DIP2A: variants seen among roughly 807,000 people sequenced by gnomAD.
The protein encoded by DIP2A is DIP2 acetate--CoA ligase A.
In DIP2A, 85 loss-of-function variants were observed where a neutral mutation model predicts 177.4. The observed-to-expected ratio is 0.48, with a 90% CI of 0.40 to 0.57. The LOEUF (loss-of-function observed/expected upper bound fraction) is 0.57. Ranked by LOEUF, DIP2A falls within the 20% of genes least tolerant of loss-of-function variation. The probability of loss-of-function intolerance (pLI) is 0.00; values close to 1 mark genes in which losing one functional copy is unlikely to be tolerated. For synonymous variants in DIP2A, 886 were observed against 881.8 expected (o/e 1.00, Z -0.08); for missense variants, 1,791 against 2,100.2 (o/e 0.85, Z 2.88).
chr21:46,473,313 A>AT (rs1395191862), intron 1 of DIP2A, among the ~76,000 whole-genome samples: 2 of 150,146 alleles, frequency 1.3e-5, no homozygotes, highest in South Asian at 2.1e-4. Flanking sequence ...AGAAAAAAAA[A>AT]TTAGCAAGGT....
intron 8 of DIP2A, among the ~76,000 whole-genome samples, chr21:46,526,974 CT>C (rs1194165208): frequency 4.0e-5 from 6 of 151,296 alleles, no homozygotes; most frequent in Non-Finnish European, 7.4e-5. Context: ...TGTTGGGTTT[CT>C]AAAGATGCCC....
At chr21:46,486,010 G>A (rs922655702) in intron 2 of DIP2A, among the ~76,000 whole-genome samples, 10 of 144,242 alleles carry the variant, frequency 6.9e-5, no homozygotes, top group Admixed American at 4.4e-4. Flanking sequence ...GGTGGAGGTT[G>A]CAGTGAGCCG....
At chr21:46,564,711 C>T (rs891817350) in intron 35 of DIP2A, among the ~76,000 whole-genome samples, 6 of 152,186 alleles carry the variant, frequency 3.9e-5, no homozygotes, top group Admixed American at 1.3e-4. Context: ...TCCAGCAAGC[C>T]GTGCCCAGAG....
At chr21:46,579,554 A>G in the DIP2A span, among the ~76,000 whole-genome samples, 48 of 152,238 alleles carry the variant, frequency 3.2e-4, no homozygotes, top group Non-Finnish European at 5.6e-4. Flanking sequence ...TAGGATGTCA[A>G]TTGGAGATCC....
chr21:46,524,162 G>A (rs1276202920), intron 8 of DIP2A, among the ~76,000 whole-genome samples: 2 of 152,210 alleles, frequency 1.3e-5, no homozygotes, highest in Non-Finnish European at 2.9e-5. Context: ...AGCAAAGAGT[G>A]CAAGGCAGAT....
At chr21:46,459,255 C>A in intron 1 of DIP2A, 33 bp downstream of exon 1, 1 of 1,496,650 alleles carries the variant, frequency 6.7e-7, no homozygotes. Flanking sequence ...CCCCCGCGAC[C>A]CGCCCTCAGC....
At chr21:46,546,886 G>A (rs990449153) in intron 20 of DIP2A, 29 bp from the exon 21 acceptor site, 1 of 1,611,426 alleles carries the variant, frequency 6.2e-7, no homozygotes, top group Non-Finnish European at 8.5e-7. Flanking sequence ...CCGTGTGGGT[G>A]GAGTCTTGAC....
chr21:46,498,238 G>A lies in DIP2A; in HGVS notation c.404-344G>A, dbSNP rs1056991008. On this transcript the variant is annotated intron_variant, in intron 4 of 37. Transcript: ENST00000417564. The surrounding 1 kb of genome is among the most constrained non-coding windows in gnomAD (Gnocchi z 4.3). ...ATATGGTGTCCGACTCTGTGGACATGCAGTGCAGCACTGAATATTCACAGA... is the reference window on the plus strand; with the variant it reads ...ATATGGTGTCCGACTCTGTGGACATACAGTGCAGCACTGAATATTCACAGA... Among the ~76,000 whole-genome samples, 1 of 152,148 alleles carries A rather than the reference G, an allele frequency of 6.6e-6. No individual in the cohort carries two copies. Among genetic ancestry groups the A allele is most frequent in the African/African-American group, 2.4e-5 (1 of 41,422 alleles).
intron 1 of DIP2A, among the ~76,000 whole-genome samples, chr21:46,477,567 G>GTGTGTGTGTGTA (rs2055985336): frequency 8.7e-6 from 1 of 115,236 alleles, no homozygotes; most frequent in African/African-American, 3.0e-5. Context: ...GTGTGTGTGT[G>GTGTGTGTGTGTA]TATTTCTTTT....
At chr21:46,497,134 C>T in intron 4 of DIP2A, 27 bp downstream of exon 4, 1 of 1,596,522 alleles carries the variant, frequency 6.3e-7, no homozygotes, top group South Asian at 1.1e-5. Context: ...TCAAGTGTGG[C>T]TTTTTTTTGA....
At chr21:46,526,370 G>A (rs1412652901) in intron 8 of DIP2A, among the ~76,000 whole-genome samples, 1 of 150,786 alleles carries the variant, frequency 6.6e-6, no homozygotes, top group Non-Finnish European at 1.5e-5. Flanking sequence ...AGCTTGTGGT[G>A]GATACTTTCA....
chr21:46,497,283 G>A (rs1461591494), intron 4 of DIP2A, among the ~76,000 whole-genome samples, 176 bp downstream of exon 4: 1 of 152,184 alleles, frequency 6.6e-6, no homozygotes, highest in East Asian at 1.9e-4. Context: ...AATCTATGGT[G>A]TACATAGTAT....
At chr21:46,574,917 A>G (rs1355375434), downstream of DIP2A, among the ~76,000 whole-genome samples, 3 of 152,162 alleles carry the variant, frequency 2.0e-5, no homozygotes, top group African/African-American at 7.2e-5. Flanking sequence ...GAAAACTTTC[A>G]AACTTACTCT....
Position 46,511,409 on chromosome 21 carries a change from G to T in DIP2A, c.905-8G>T, listed in dbSNP as rs2058306393. ...TTGCTGATTTTAAAGTTTTGATTTTGCTTGTAGTTCAGCAACCAGATCCAA... is the reference window on the plus strand; with the variant it reads ...TTGCTGATTTTAAAGTTTTGATTTTTCTTGTAGTTCAGCAACCAGATCCAA... On this transcript the variant is annotated splice_polypyrimidine_tract_variant and splice_region_variant and intron_variant, in intron 7 of 37. Transcript: ENST00000417564. 6.2e-7 allele frequency: 1 copy of T among 1,601,134 alleles called. No homozygotes were observed. The highest frequency in any genetic ancestry group is 2.3e-5 in the East Asian group (1 of 44,308).
chr21:46,575,268 A>G, the DIP2A span, among the ~76,000 whole-genome samples: 1 of 152,160 alleles, frequency 6.6e-6, no homozygotes, highest in Non-Finnish European at 1.5e-5. Flanking sequence ...GAATAAAAGG[A>G]AACTACTTCA....
intron 25 of DIP2A, chr21:46,552,999 T>A (rs1453439245): frequency 6.6e-6 from 1 of 152,352 alleles, no homozygotes; most frequent in African/African-American, 2.4e-5. Flanking sequence ...TGATGCCCAG[T>A]GGCTCAAGGC....
chr21:46,532,472 C>T (rs995509897), intron 10 of DIP2A, among the ~76,000 whole-genome samples: 1 of 152,172 alleles, frequency 6.6e-6, no homozygotes, highest in African/African-American at 2.4e-5. Flanking sequence ...GATGCTCCCA[C>T]ACCACACTCT....
chr21:46,459,336 C>T (rs901229210), intron 1 of DIP2A, 114 bp downstream of exon 1: 65 of 812,290 alleles, frequency 8.0e-5, no homozygotes, highest in Middle Eastern at 7.6e-4. Flanking sequence ...CCGCCCTTCA[C>T]CCCCGGGACC....
chr21:46,487,788 C>G (rs1601459279), intron 2 of DIP2A, among the ~76,000 whole-genome samples: 2 of 152,336 alleles, frequency 1.3e-5, no homozygotes, highest in African/African-American at 2.4e-5. Flanking sequence ...ATCGTAAAAT[C>G]TATTTGAAAG....
Sources: gnomAD v4.1 joint callset for allele counts (sites outside exome capture counted in the v4.1 genomes callset) on GRCh38, gnomAD v4.1.1 for gene constraint, Gnocchi (gnomAD v3.1) non-coding constraint, MANE v1.5 for transcripts, NCBI Gene and HGNC (gene_info 2026-07-23, HGNC 2026-07-21) for gene names.